Variants in NFAT5 observed in about 807,000 individuals in gnomAD.
NFAT5 encodes the protein nuclear factor of activated T cells 5.
NFAT5 carries 31 observed loss-of-function variants against 166.5 expected under a neutral mutation model. That is an observed-to-expected ratio of 0.19 (90% CI 0.14 to 0.25). NFAT5 has a LOEUF of 0.25. Among genes scored for constraint, NFAT5 ranks in the 10% least tolerant of loss-of-function variants. NFAT5 has a pLI of 1.00. For missense variants in NFAT5, 1,449 were observed against 1,821.8 expected, an observed-to-expected ratio of 0.80 and a Z score of 3.72; for synonymous variants, 612 against 639.7, an observed-to-expected ratio of 0.96 and a Z score of 0.65.
chr16:69,649,407 C>T lies in NFAT5; in HGVS notation c.812+1821C>T, dbSNP rs2035578801. ...GCAGTTGCTAATTAAATATCTTGAC[C>T]TTCATTTTTCTGCTTCTACTTTTGT... is the stretch of plus-strand genomic sequence containing the variant. On this transcript the variant is annotated intron_variant, in intron 4 of 14. Transcript: ENST00000349945. 3 of 983,244 alleles carry T rather than the reference C, an allele frequency of 3.1e-6. No individual in the cohort carries two copies. In the African/African-American group the frequency reaches 5.2e-5, roughly 17 times the overall value. 60.9% of individuals were successfully genotyped at this position (983,244 alleles called of 1,614,324 possible).
At chr16:69,582,869 A>C (rs1178634817) in intron 2 of NFAT5, among the ~76,000 whole-genome samples, 1 of 151,646 alleles carries the variant, frequency 6.6e-6, no homozygotes, top group African/African-American at 2.4e-5. Context: ...TTTTTATATA[A>C]ATTTTAGGAA....
At chr16:69,671,610 C>G (rs1473867835) in intron 9 of NFAT5, among the ~76,000 whole-genome samples, 1 of 152,218 alleles carries the variant, frequency 6.6e-6, no homozygotes, top group Non-Finnish European at 1.5e-5. Context: ...ACCTCATGAT[C>G]TGCCCGCCTT....
intron 2 of NFAT5, among the ~76,000 whole-genome samples, chr16:69,570,660 A>G (rs2016375337): frequency 6.6e-6 from 1 of 152,190 alleles, no homozygotes; most frequent in South Asian, 2.1e-4. Context: ...AGTTTATTTC[A>G]GCAAAGTCTC....
intron 2 of NFAT5, among the ~76,000 whole-genome samples, chr16:69,608,423 A>G (rs1205001520): frequency 3.9e-5 from 6 of 151,942 alleles, no homozygotes; most frequent in Non-Finnish European, 2.9e-5. Context: ...GGGCTTCCCC[A>G]GACTCCTAGC....
At position 69,593,509 on chromosome 16, in the gene NFAT5, C is replaced by T. The variant is rs148994503; in HGVS notation, c.127+24961C>T. On this transcript the variant is annotated intron_variant, in intron 2 of 14. Transcript: ENST00000349945. ...TTTTTTTTTTAACTAGAGACAGTGT[C>T]TCCCTAGGTTGCCCAGGCGTGTCTC... Among the ~76,000 whole-genome samples, 335 of 151,008 alleles carry T rather than the reference C, an allele frequency of 2.2e-3. 2 individuals carry two copies. Among genetic ancestry groups the T allele is most frequent in the South Asian group, 5.9e-3 (28 of 4,784 alleles).
chr16:69,613,135 T>C (rs2033781113), intron 2 of NFAT5, among the ~76,000 whole-genome samples: 1 of 152,166 alleles, frequency 6.6e-6, no homozygotes, highest in African/African-American at 2.4e-5. Flanking sequence ...GAACTCTCCT[T>C]TTTTTCCCTC....
chr16:69,645,417 G>A (rs1217739049), intron 3 of NFAT5, among the ~76,000 whole-genome samples: 1 of 152,060 alleles, frequency 6.6e-6, no homozygotes, highest in Non-Finnish European at 1.5e-5. Context: ...ATCTTTCCAT[G>A]TGGCATTATA....
intron 2 of NFAT5, among the ~76,000 whole-genome samples, chr16:69,624,875 G>A (rs1394410939): frequency 6.6e-5 from 10 of 150,642 alleles, no homozygotes; most frequent in African/African-American, 2.0e-4. Context: ...ATAAGTATAC[G>A]CGATATGCCT....
intron 2 of NFAT5, among the ~76,000 whole-genome samples, chr16:69,594,804 A>G (rs1027891366): frequency 3.3e-5 from 5 of 152,166 alleles, no homozygotes; most frequent in Non-Finnish European, 7.3e-5. Flanking sequence ...ATTAAGGAGT[A>G]TTGACTCACA....
At chr16:69,652,773 C>CTGTTT (rs1555528340) in intron 4 of NFAT5, among the ~76,000 whole-genome samples, 3 of 151,334 alleles carry the variant, frequency 2.0e-5, no homozygotes, top group Admixed American at 6.6e-5. Context: ...GCTACCCTCA[C>CTGTTT]TTCTTTTACT....
intron 2 of NFAT5, among the ~76,000 whole-genome samples, chr16:69,580,326 A>C (rs529089252): frequency 1.4e-4 from 21 of 152,120 alleles, no homozygotes; most frequent in Non-Finnish European, 1.8e-4. Flanking sequence ...TCAGGAGTTC[A>C]AGACCAGCCT....
intron 2 of NFAT5, among the ~76,000 whole-genome samples, chr16:69,570,409 A>G (rs961887630): frequency 3.9e-5 from 6 of 152,080 alleles, no homozygotes; most frequent in African/African-American, 1.4e-4. Context: ...AATAAGCCCC[A>G]TATACCCATC....
chr16:69,627,345 TA>T (rs1567552948), intron 3 of NFAT5, among the ~76,000 whole-genome samples: 9 of 1,360 alleles, frequency 6.6e-3, no homozygotes, highest in African/African-American at 0.02. Context: ...TATATATATA[TA>T]TATATATATA....
At chr16:69,663,707 A>T (rs1049919860) in intron 7 of NFAT5, among the ~76,000 whole-genome samples, 1 of 151,946 alleles carries the variant, frequency 6.6e-6, no homozygotes, top group Non-Finnish European at 1.5e-5. Context: ...CCATCTCCAC[A>T]CACAAAAAAA....
intron 6 of NFAT5, among the ~76,000 whole-genome samples, chr16:69,659,188 TC>T (rs1397888569): frequency 6.6e-6 from 1 of 151,930 alleles, no homozygotes; most frequent in East Asian, 1.9e-4. Flanking sequence ...ATGCCTGTAA[TC>T]CCAGCACTTT....
At chr16:69,651,343 C>T (rs2151628895) in intron 4 of NFAT5, among the ~76,000 whole-genome samples, 1 of 152,322 alleles carries the variant, frequency 6.6e-6, no homozygotes. Context: ...TTCATTCCTT[C>T]TTTGCTCCAT....
intron 6 of NFAT5, among the ~76,000 whole-genome samples, chr16:69,656,495 A>G (rs994925323): frequency 6.7e-6 from 1 of 149,766 alleles, no homozygotes; most frequent in Non-Finnish European, 1.5e-5. Flanking sequence ...TCTGTCGCCC[A>G]GGCTGGAGTG....
intron 4 of NFAT5, among the ~76,000 whole-genome samples, chr16:69,652,769 C>T (rs1413134223): frequency 1.3e-5 from 1 of 79,422 alleles, no homozygotes; most frequent in Non-Finnish European, 2.3e-5. Context: ...TTTCGCTACC[C>T]TCACTTCTTT....
chr16:69,612,800 G>A (rs1025682804), intron 2 of NFAT5, among the ~76,000 whole-genome samples: 4 of 151,854 alleles, frequency 2.6e-5, no homozygotes, highest in African/African-American at 4.8e-5. Flanking sequence ...GTTTAGGCCC[G>A]GGAGCTTGAG....
Sources: allele counts gnomAD v4.1 joint callset (sites outside exome capture counted in the v4.1 genomes callset), GRCh38; gene constraint gnomAD v4.1.1; transcripts MANE v1.5; gene names NCBI Gene and HGNC (gene_info 2026-07-23, HGNC 2026-07-21).